Variants in ZSCAN25 observed in about 807,000 individuals in gnomAD.
The protein encoded by ZSCAN25 is zinc finger and SCAN domain containing 25, also known as zinc finger and SCAN domain-containing protein 25.
In ZSCAN25, 27 loss-of-function variants were observed where a neutral mutation model predicts 38.7. That is an observed-to-expected ratio of 0.70 (90% CI 0.51 to 0.96). The LOEUF (loss-of-function observed/expected upper bound fraction) is 0.96. ZSCAN25 is among the 40% of genes least tolerant of loss of function. The pLI is 0.00. For missense variants in ZSCAN25, 637 were observed against 705.9 expected (o/e 0.90, Z 1.11); for synonymous variants, 273 against 277.7 (o/e 0.98, Z 0.17).
At chr7:99,695,612 G>A in the ZSCAN25 span, 1 of 745,878 alleles carries the variant, frequency 1.3e-6, no homozygotes, top group Admixed American at 2.8e-5. Flanking sequence ...GCCATGCTCT[G>A]GATGATGCCT....
the ZSCAN25 span, among the ~76,000 whole-genome samples, chr7:99,732,422 A>T: frequency 6.6e-6 from 1 of 152,168 alleles, no homozygotes; most frequent in East Asian, 1.9e-4. Context: ...GAAAAGACTA[A>T]TACAGCCAGA....
the ZSCAN25 span, among the ~76,000 whole-genome samples, chr7:99,722,107 C>A: frequency 6.6e-6 from 1 of 152,174 alleles, no homozygotes; most frequent in Non-Finnish European, 1.5e-5. Flanking sequence ...CTTATAATGG[C>A]ACACAGTTTC....
At chr7:99,627,369 A>G (rs1008119461) in intron 7 of ZSCAN25, among the ~76,000 whole-genome samples, 1 of 150,792 alleles carries the variant, frequency 6.6e-6, no homozygotes, top group African/African-American at 2.5e-5. Flanking sequence ...AACACCTCAA[A>G]ACTGAAAACT....
the ZSCAN25 span, among the ~76,000 whole-genome samples, chr7:99,697,891 G>A: frequency 6.6e-6 from 1 of 152,168 alleles, no homozygotes; most frequent in Admixed American, 6.5e-5. Flanking sequence ...GCAAATCAAT[G>A]ACACTAATCT....
the ZSCAN25 span, among the ~76,000 whole-genome samples, chr7:99,690,769 T>C: frequency 9.9e-5 from 15 of 151,766 alleles, no homozygotes; most frequent in African/African-American, 3.2e-4. Flanking sequence ...GTTAGAATGG[T>C]GATCATTAAA....
At chr7:99,685,090 T>C in the ZSCAN25 span, 2 of 1,337,812 alleles carry the variant, frequency 1.5e-6, no homozygotes, top group South Asian at 1.2e-5. Flanking sequence ...GTCTCTGGTG[T>C]TCTAGGTCAC....
At chr7:99,707,667 A>AGATCATAG in the ZSCAN25 span, 2 of 1,364,538 alleles carry the variant, frequency 1.5e-6, no homozygotes, top group Non-Finnish European at 2.0e-6. Context: ...GCACCCTTAA[A>AGATCATAG]GATCATAGAT....
chr7:99,624,313 G>T (rs1807270299), intron 7 of ZSCAN25, 133 bp downstream of exon 7: 2 of 1,085,266 alleles, frequency 1.8e-6, no homozygotes, highest in Non-Finnish European at 2.7e-6. Flanking sequence ...GTCCAGCACG[G>T]ACCATGGGGC....
Position 99,629,070 on chromosome 7 carries a change from GTTGT to G in ZSCAN25, c.806-119_806-116del. On this transcript the variant is annotated intron_variant, in intron 7 of 7. Transcript: ENST00000394152. This position sits in a 1 kb window ranked among gnomAD's most constrained non-coding sequence, Gnocchi z 5.6. ...AGAAGTAAGGAAAGCCTGAGTTGAG[GTTGT>G]TGGTCAAAGGAAAAAAGAGAAGGAA... 1.8e-5 allele frequency: 24 copies of G among 1,366,464 alleles called. No individual in the cohort carries two copies. Among genetic ancestry groups the G allele is most frequent in the Admixed American group, 1.1e-4 (4 of 37,792 alleles). The allele number at this position is 1,366,464 out of a possible 1,614,324, so 84.6% of individuals were successfully genotyped here. A position where few individuals can be genotyped will look rare whatever the true frequency, so the allele number is the denominator to read the frequency against.
At chr7:99,670,550 A>G in the ZSCAN25 span, among the ~76,000 whole-genome samples, 4 of 152,232 alleles carry the variant, frequency 2.6e-5, no homozygotes, top group East Asian at 7.7e-4. Flanking sequence ...TTCAGTCGAC[A>G]TATATATGTT....
the ZSCAN25 span, chr7:99,707,788 T>A: frequency 1.9e-5 from 30 of 1,613,412 alleles, no homozygotes; most frequent in South Asian, 3.2e-4. Flanking sequence ...AATAAAACAT[T>A]ATTAATGCAG....
At chr7:99,640,825 G>T in the ZSCAN25 span, among the ~76,000 whole-genome samples, 4 of 152,196 alleles carry the variant, frequency 2.6e-5, no homozygotes, top group Non-Finnish European at 5.9e-5. Flanking sequence ...TAAACTAATG[G>T]GAGAGGGAGG....
the ZSCAN25 span, chr7:99,717,319 G>A: frequency 6.2e-7 from 1 of 1,613,278 alleles, no homozygotes; most frequent in Non-Finnish European, 8.5e-7. Flanking sequence ...ATAAGTCCCA[G>A]AAGGACATGA....
rs370599931 is a variant in ZSCAN25, at chr7:99,624,022, C to G, written c.682-35C>G. The G allele has an allele frequency of 1.4e-5, 23 of 1,613,702 alleles. No homozygotes were observed. In the African/African-American group the frequency reaches 2.9e-4, roughly 21 times the overall value. ...GAGCCACTGTCTCTGGCCTAGGATTCTTTCTTTATTCATAGCAATCTCCTA... is the reference window on the plus strand; with the variant it reads ...GAGCCACTGTCTCTGGCCTAGGATTGTTTCTTTATTCATAGCAATCTCCTA... On this transcript the variant is annotated intron_variant, in intron 6 of 7. Coordinates refer to ENST00000394152, the MANE Select transcript of ZSCAN25 (RefSeq NM_145115.3).
At chr7:99,731,095 A>T in the ZSCAN25 span, 7 of 1,613,912 alleles carry the variant, frequency 4.3e-6, no homozygotes, top group South Asian at 7.7e-5. Context: ...AAAAAGGCAG[A>T]GGTGTGGGCC....
At chr7:99,684,997 T>G in the ZSCAN25 span, 1 of 609,910 alleles carries the variant, frequency 1.6e-6, no homozygotes. Context: ...GCTCAGTGCA[T>G]GTACAGAATC....
At chr7:99,704,778 A>G in the ZSCAN25 span, among the ~76,000 whole-genome samples, 1 of 152,038 alleles carries the variant, frequency 6.6e-6, no homozygotes, top group African/African-American at 2.4e-5. Flanking sequence ...CCTGGCTAAC[A>G]CAGTGAAACT....
At chr7:99,636,503 A>G (rs1808290623), downstream of ZSCAN25, among the ~76,000 whole-genome samples, 1 of 152,194 alleles carries the variant, frequency 6.6e-6, no homozygotes, top group Non-Finnish European at 1.5e-5. Flanking sequence ...ATTATACAAT[A>G]TGGCCAAAGC....
At chr7:99,648,184 A>G in the ZSCAN25 span, 12 of 1,433,548 alleles carry the variant, frequency 8.4e-6, no homozygotes, top group East Asian at 3.1e-4. Context: ...ATCACCAACT[A>G]CTCATGCAGT....
Sources: gnomAD v4.1 joint callset for allele counts (sites outside exome capture counted in the v4.1 genomes callset) on GRCh38, gnomAD v4.1.1 for gene constraint, Gnocchi (gnomAD v3.1) non-coding constraint, MANE v1.5 for transcripts, NCBI Gene and HGNC (gene_info 2026-07-23, HGNC 2026-07-21) for gene names.